REDIC1: variants seen among roughly 807,000 people sequenced by gnomAD.
REDIC1 encodes regulator of DNA class I crossover intermediates 1, also known as HEI10 Interacting Protein 1.
At chr12:39,739,976 T>C in the REDIC1 span, among the ~76,000 whole-genome samples, 2 of 152,226 alleles carry the variant, frequency 1.3e-5, no homozygotes, top group African/African-American at 4.8e-5. Flanking sequence ...GATAAGAGAC[T>C]GTGTAGAAGA....
At chr12:39,718,088 G>A in the REDIC1 span, among the ~76,000 whole-genome samples, 5 of 151,806 alleles carry the variant, frequency 3.3e-5, no homozygotes, top group African/African-American at 9.7e-5. Context: ...TTTCTTTTCC[G>A]AGTCTTGATG....
the REDIC1 span, among the ~76,000 whole-genome samples, chr12:39,826,349 A>G: frequency 6.6e-6 from 1 of 151,886 alleles, no homozygotes; most frequent in African/African-American, 2.4e-5. Context: ...AACAGCATAC[A>G]ACTGTATTAA....
the REDIC1 span, among the ~76,000 whole-genome samples, chr12:39,798,930 T>C: frequency 6.6e-6 from 1 of 151,898 alleles, no homozygotes; most frequent in African/African-American, 2.4e-5. Context: ...TACATTAAAA[T>C]TATAATTTGT....
chr12:39,663,904 T>G, the REDIC1 span, among the ~76,000 whole-genome samples: 1 of 152,042 alleles, frequency 6.6e-6, no homozygotes. Context: ...GAAATGTTTT[T>G]ATTTCTCTTT....
chr12:39,643,424 C>T, the REDIC1 span, among the ~76,000 whole-genome samples: 1 of 151,514 alleles, frequency 6.6e-6, no homozygotes, highest in Non-Finnish European at 1.5e-5. Flanking sequence ...TGCAGAATAG[C>T]ATACTTTGTA....
chr12:39,886,282 T>A, the REDIC1 span, among the ~76,000 whole-genome samples: 1 of 152,166 alleles, frequency 6.6e-6, no homozygotes, highest in Non-Finnish European at 1.5e-5. Context: ...GCGGGCATAT[T>A]GACAGCGCTG....
At chr12:39,714,820 T>C in the REDIC1 span, among the ~76,000 whole-genome samples, 3 of 151,930 alleles carry the variant, frequency 2.0e-5, no homozygotes, top group Non-Finnish European at 4.4e-5. Context: ...ATTAGTGATA[T>C]TGAGCATTTT....
chr12:39,776,107 T>TC, the REDIC1 span, among the ~76,000 whole-genome samples: 14 of 152,102 alleles, frequency 9.2e-5, no homozygotes, highest in African/African-American at 3.1e-4. Context: ...ATATTGCTGT[T>TC]CCCCCCTACA....
chr12:39,752,057 G>A, the REDIC1 span, among the ~76,000 whole-genome samples: 1 of 152,190 alleles, frequency 6.6e-6, no homozygotes, highest in Middle Eastern at 3.4e-3. Flanking sequence ...ATAAAAAAAA[G>A]AAATTTGTTG....
chr12:39,679,777 C>T, the REDIC1 span, among the ~76,000 whole-genome samples: 1 of 152,150 alleles, frequency 6.6e-6, no homozygotes, highest in East Asian at 1.9e-4. Context: ...CAGCATGGCA[C>T]TGGTATAAAT....
the REDIC1 span, among the ~76,000 whole-genome samples, chr12:39,694,752 TGAGA>T: frequency 0.74 from 111,600 of 151,682 alleles, 42,473 homozygotes; most frequent in Non-Finnish European, 0.84. Flanking sequence ...CGTGTTCTAT[TGAGA>T]CACCAGCTGG....
chr12:39,666,840 T>C, the REDIC1 span, among the ~76,000 whole-genome samples: 171 of 152,390 alleles, frequency 1.1e-3, no homozygotes, highest in South Asian at 5.6e-3. Context: ...CTAGATTTTC[T>C]AGTTTATTTG....
the REDIC1 span, among the ~76,000 whole-genome samples, chr12:39,701,334 CAAA>C: frequency 6.6e-6 from 1 of 152,090 alleles, no homozygotes; most frequent in Non-Finnish European, 1.5e-5. Flanking sequence ...TCAAAAGAGA[CAAA>C]GAAGGCCATT....
chr12:39,796,865 C>T, the REDIC1 span, among the ~76,000 whole-genome samples: 1 of 152,168 alleles, frequency 6.6e-6, no homozygotes, highest in East Asian at 1.9e-4. Context: ...GCACCTTTGA[C>T]TTCCTCTCTA....
chr12:39,693,139 A>G, the REDIC1 span, among the ~76,000 whole-genome samples: 1 of 152,036 alleles, frequency 6.6e-6, no homozygotes, highest in African/African-American at 2.4e-5. Flanking sequence ...TCTCCTATGT[A>G]TATTTTATGT....
the REDIC1 span, among the ~76,000 whole-genome samples, chr12:39,724,940 G>A: frequency 7.2e-5 from 11 of 151,798 alleles, no homozygotes; most frequent in African/African-American, 2.7e-4. Flanking sequence ...GAGAATAGAG[G>A]CATAATTTGA....
At chr12:39,683,070 C>T in the REDIC1 span, 13 of 1,612,492 alleles carry the variant, frequency 8.1e-6, no homozygotes, top group Non-Finnish European at 9.3e-6. Flanking sequence ...GAGAGTATAA[C>T]AAAAATGAAA....
chr12:39,649,299 A>T, the REDIC1 span, among the ~76,000 whole-genome samples: 1 of 151,990 alleles, frequency 6.6e-6, no homozygotes, highest in African/African-American at 2.4e-5. Flanking sequence ...AGTGAAAATG[A>T]TTAAAATGAA....
the REDIC1 span, among the ~76,000 whole-genome samples, chr12:39,672,366 G>C: frequency 6.6e-6 from 1 of 152,082 alleles, no homozygotes; most frequent in East Asian, 1.9e-4. Context: ...CAGTGGGTGG[G>C]GAAAGCCTGT....
Sources: allele counts gnomAD v4.1 joint callset (sites outside exome capture counted in the v4.1 genomes callset), GRCh38; gene constraint gnomAD v4.1.1; transcripts MANE v1.5; gene names NCBI Gene and HGNC (gene_info 2026-07-23, HGNC 2026-07-21).